Variants in DISP1 observed in about 807,000 individuals in gnomAD.
DISP1 encodes protein dispatched homolog 1.
In DISP1, 30 loss-of-function variants were observed where a neutral mutation model predicts 37.3. That is an observed-to-expected ratio of 0.80 (90% CI 0.60 to 1.09). DISP1 has a LOEUF of 1.09. Ranked by LOEUF, DISP1 falls within the 50% of genes least tolerant of loss-of-function variation. DISP1 has a pLI of 0.00. For missense variants in DISP1, 1,598 were observed against 1,879.5 expected (o/e 0.85, Z 2.77); for synonymous variants, 634 against 690.2 (o/e 0.92, Z 1.28).
At chr1:222,845,159 G>A (rs893395315) in intron 1 of DISP1, among the ~76,000 whole-genome samples, 2 of 152,096 alleles carry the variant, frequency 1.3e-5, no homozygotes, top group East Asian at 1.9e-4. Flanking sequence ...CTAGCTTTTG[G>A]TAGTGCTAAA....
intron 1 of DISP1, among the ~76,000 whole-genome samples, chr1:222,880,906 T>C (rs533496673): frequency 1.3e-5 from 2 of 151,888 alleles, no homozygotes; most frequent in East Asian, 1.9e-4. Context: ...ATAAAAAATA[T>C]AAATATTAGC....
intron 2 of DISP1, among the ~76,000 whole-genome samples, chr1:222,936,985 TATATA>T (rs1558340635): frequency 4.8e-5 from 4 of 83,218 alleles, no homozygotes; most frequent in Admixed American, 3.3e-4. Flanking sequence ...TTTTATAATA[TATATA>T]ATATTATATA....
At chr1:222,912,670 G>A (rs61840872) in intron 1 of DISP1, among the ~76,000 whole-genome samples, 12,219 of 151,990 alleles carry the variant, frequency 0.08, 676 homozygotes, top group Non-Finnish European at 0.12. Context: ...TTCTTAAAGG[G>A]GTTTCTTAAA....
At chr1:222,868,328 G>T (rs114210824) in intron 1 of DISP1, among the ~76,000 whole-genome samples, 1,732 of 151,602 alleles carry the variant, frequency 0.011, 31 homozygotes, top group African/African-American at 0.04. Context: ...TGAAAAAAAT[G>T]AAACAAAACT....
At chr1:222,938,484 A>G (rs1425109184) in intron 2 of DISP1, among the ~76,000 whole-genome samples, 1 of 151,952 alleles carries the variant, frequency 6.6e-6, no homozygotes, top group Non-Finnish European at 1.5e-5. Context: ...CTGTAATCCT[A>G]GCACTTTGGG....
At chr1:222,907,492 C>T (rs1671965718) in intron 1 of DISP1, among the ~76,000 whole-genome samples, 1 of 152,086 alleles carries the variant, frequency 6.6e-6, no homozygotes, top group African/African-American at 2.4e-5. Flanking sequence ...ACTCAGCAAC[C>T]TGTGTTTTAG....
Position 223,004,246 on chromosome 1 carries a change from G to A in DISP1, c.2849G>A (p.Trp950Ter). Reference protein sequence around the residue: ...MHQFYKEVDSWISSELSSAPE... With the variant: ...MHQFYKEVDS ...CAGTTTTATAAAGAGGTGGACTCGT[G>A]GATATCCAGTGAGCTGAGTTCGGCC... The change falls in exon 9 of 9, where the codon TGG (tryptophan) becomes TAG (stop). Residue 950 changes from tryptophan to a stop codon, truncating the protein, a stop_gained. Coordinates refer to ENST00000675850, the MANE Select transcript of DISP1 (RefSeq NM_001377229.1). LOFTEE classifies it low-confidence loss of function (END_TRUNC). The surrounding 1 kb of genome is among the most constrained non-coding windows in gnomAD (Gnocchi z 4.9). 1.9e-6 allele frequency: 3 copies of A among 1,614,132 alleles called. No individual in the cohort carries two copies. Among genetic ancestry groups the A allele is most frequent in the Non-Finnish European group, 2.5e-6 (3 of 1,180,020 alleles).
intron 1 of DISP1, among the ~76,000 whole-genome samples, chr1:222,864,226 G>A (rs927984899): frequency 6.6e-6 from 1 of 152,080 alleles, no homozygotes; most frequent in Non-Finnish European, 1.5e-5. Flanking sequence ...TGGCTCCATG[G>A]TATTGTTTTA....
chr1:222,819,558 G>C (rs76100830), intron 1 of DISP1, among the ~76,000 whole-genome samples: 14 of 50,580 alleles, frequency 2.8e-4, no homozygotes, highest in Admixed American at 6.3e-4. Context: ...TTTTTTTTTT[G>C]ACACAGTGTC....
At chr1:222,908,092 G>T (rs760782486) in intron 1 of DISP1, among the ~76,000 whole-genome samples, 2 of 152,092 alleles carry the variant, frequency 1.3e-5, no homozygotes, top group Non-Finnish European at 2.9e-5. Context: ...CAGCTTCACG[G>T]GTGGAACAAC....
intron 3 of DISP1, among the ~76,000 whole-genome samples, chr1:222,971,167 ATTTAAAT>A (rs1360412261): frequency 6.6e-6 from 1 of 152,126 alleles, no homozygotes; most frequent in East Asian, 1.9e-4. Flanking sequence ...AGTTACAAAA[ATTTAAAT>A]TTTAAGTTAG....
At chr1:222,865,880 G>A (rs1212720903) in intron 1 of DISP1, among the ~76,000 whole-genome samples, 1 of 152,134 alleles carries the variant, frequency 6.6e-6, no homozygotes, top group East Asian at 1.9e-4. Flanking sequence ...TGCACTTTTA[G>A]CCAGTTACGT....
chr1:222,902,994 A>G (rs569600069), intron 1 of DISP1, among the ~76,000 whole-genome samples: 59 of 152,080 alleles, frequency 3.9e-4, no homozygotes, highest in Non-Finnish European at 6.3e-4. Context: ...ATAAAGACAC[A>G]CGCACACGTA....
chr1:222,891,999 GGGAGA>G (rs973987691), intron 1 of DISP1, among the ~76,000 whole-genome samples: 5 of 151,966 alleles, frequency 3.3e-5, no homozygotes, highest in Non-Finnish European at 7.4e-5. Context: ...AATGGGGGTG[GGGAGA>G]GGAGAGGAGA....
intron 1 of DISP1, among the ~76,000 whole-genome samples, chr1:222,903,075 GATTAAGAAAATGTGGCAC>G: frequency 6.6e-6 from 1 of 151,800 alleles, no homozygotes; most frequent in Non-Finnish European, 1.5e-5. Context: ...TGATAGACTG[GATTAAGAAAATGTGGCAC>G]ATATACACCA....
chr1:222,958,891 G>A (rs979308068), intron 3 of DISP1, among the ~76,000 whole-genome samples: 1 of 151,984 alleles, frequency 6.6e-6, no homozygotes, highest in Non-Finnish European at 1.5e-5. Context: ...GCTATATATG[G>A]CTTCTACATT....
chr1:222,896,931 A>G (rs1248403519), intron 1 of DISP1, among the ~76,000 whole-genome samples: 1 of 152,220 alleles, frequency 6.6e-6, no homozygotes. Context: ...ACAAGTGTGA[A>G]ATGGCAAAAC....
At chr1:222,935,824 T>G (rs1324026703) in intron 2 of DISP1, among the ~76,000 whole-genome samples, 1 of 152,216 alleles carries the variant, frequency 6.6e-6, no homozygotes, top group Non-Finnish European at 1.5e-5. Flanking sequence ...AAGTAGCTGC[T>G]GAGGTTTTCT....
At chr1:222,837,721 A>G (rs937566346) in intron 1 of DISP1, among the ~76,000 whole-genome samples, 3 of 152,244 alleles carry the variant, frequency 2.0e-5, no homozygotes, top group African/African-American at 7.2e-5. Context: ...CATTCGTAAT[A>G]GTAACCAAAA....
Sources: allele counts gnomAD v4.1 joint callset (sites outside exome capture counted in the v4.1 genomes callset), GRCh38; gene constraint gnomAD v4.1.1; non-coding constraint Gnocchi (gnomAD v3.1); transcripts MANE v1.5; gene names NCBI Gene and HGNC (gene_info 2026-07-23, HGNC 2026-07-21).